Variants in KIF26B observed in about 807,000 individuals in gnomAD.
KIF26B encodes kinesin-like protein KIF26B.
In KIF26B, 63 loss-of-function variants were observed where a neutral mutation model predicts 151.2. The observed-to-expected ratio is 0.42, with a 90% confidence interval of 0.34 to 0.51. The LOEUF is 0.51. KIF26B is among the 20% of genes least tolerant of loss of function. KIF26B has a pLI of 0.07. For missense variants in KIF26B, 2,813 were observed against 2,913.6 expected (o/e 0.97, Z 0.79); for synonymous variants, 1,357 against 1,262.1 (o/e 1.08, Z -1.59).
intron 2 of KIF26B, among the ~76,000 whole-genome samples, chr1:245,272,944 G>A (rs909117170): frequency 2.6e-5 from 4 of 152,132 alleles, no homozygotes; most frequent in Non-Finnish European, 5.9e-5. Context: ...AACATGTGAC[G>A]TATCCTGGAG....
chr1:245,366,111 A>C lies in KIF26B; in HGVS notation c.466-723A>C, dbSNP rs1004413030. Reference sequence around the variant, plus strand: ...AACTTTCTGTGGTAACAGGGGGCCAAGGGACCTCAGTGCAGTGGTCCAGAA... The same window carrying C: ...AACTTTCTGTGGTAACAGGGGGCCACGGGACCTCAGTGCAGTGGTCCAGAA... On this transcript the variant is annotated intron_variant, in intron 2 of 14. Coordinates refer to ENST00000407071, the MANE Select transcript of KIF26B (RefSeq NM_018012.4). Among the ~76,000 whole-genome samples the C allele has an allele frequency of 3.3e-5, 5 of 152,324 alleles. No homozygotes were observed. In the East Asian group the frequency reaches 7.7e-4, roughly 24 times the overall value.
intron 10 of KIF26B, 26 bp downstream of exon 10, chr1:245,646,306 T>G: frequency 6.2e-7 from 1 of 1,610,760 alleles, no homozygotes; most frequent in Non-Finnish European, 8.5e-7. Context: ...ACTCAAAGAA[T>G]GTGGTGGGGT....
intron 6 of KIF26B, among the ~76,000 whole-genome samples, chr1:245,604,699 C>A (rs1466356319): frequency 1.3e-5 from 2 of 152,178 alleles, no homozygotes; most frequent in African/African-American, 4.8e-5. Context: ...AATTGCTAGT[C>A]TTTGTTTACA....
At chr1:245,483,669 G>T (rs1358055035) in intron 4 of KIF26B, among the ~76,000 whole-genome samples, 3 of 151,900 alleles carry the variant, frequency 2.0e-5, no homozygotes, top group Non-Finnish European at 4.4e-5. Flanking sequence ...TGCATGAAGG[G>T]CGTGGGTAGT....
intron 5 of KIF26B, among the ~76,000 whole-genome samples, chr1:245,594,301 G>A (rs2043319223): frequency 6.6e-6 from 1 of 152,128 alleles, no homozygotes; most frequent in Non-Finnish European, 1.5e-5. Flanking sequence ...TATGGTTTTA[G>A]GTCTTACATT....
chr1:245,427,597 A>G (rs1407175059), intron 4 of KIF26B, among the ~76,000 whole-genome samples: 1 of 152,192 alleles, frequency 6.6e-6, no homozygotes. Context: ...AGCAAGGGTG[A>G]GACTCTGTCT....
At chr1:245,414,272 G>A (rs1003953534) in intron 3 of KIF26B, among the ~76,000 whole-genome samples, 1 of 152,202 alleles carries the variant, frequency 6.6e-6, no homozygotes, top group East Asian at 1.9e-4. Flanking sequence ...GCACTGACTT[G>A]TAGGAAAGGC....
At chr1:245,627,952 A>T (rs2043741890) in intron 9 of KIF26B, among the ~76,000 whole-genome samples, 1 of 152,228 alleles carries the variant, frequency 6.6e-6, no homozygotes, top group South Asian at 2.1e-4. Context: ...ATCCCTGAAT[A>T]GACCAATAAC....
At position 245,488,497 on chromosome 1, in the gene KIF26B, G is replaced by T. The variant is rs1010202708; in HGVS notation, c.1167-52270G>T. 6.6e-6 allele frequency among the ~76,000 whole-genome samples: 1 copy of T among 152,042 alleles called. No homozygotes were observed. Among genetic ancestry groups the T allele is most frequent in the Non-Finnish European group, 1.5e-5 (1 of 68,018 alleles). ...TGAGCCATGACACCTGTCACTTCCC[G>T]TCTGAGCAGTTCCTGAAGAAACAGC... On this transcript the variant is annotated intron_variant, in intron 4 of 14. Coordinates refer to ENST00000407071, the MANE Select transcript of KIF26B (RefSeq NM_018012.4). This position sits in a 1 kb window ranked among gnomAD's most constrained non-coding sequence, Gnocchi z 4.6.
chr1:245,261,610 G>A (rs1056435154), intron 2 of KIF26B, among the ~76,000 whole-genome samples: 1 of 149,340 alleles, frequency 6.7e-6, no homozygotes, highest in African/African-American at 2.5e-5. Context: ...CTCAAGACAG[G>A]GTCTAGCTGT....
chr1:245,670,668 A>G (rs1016871168), intron 10 of KIF26B, among the ~76,000 whole-genome samples: 3 of 152,170 alleles, frequency 2.0e-5, no homozygotes, highest in Admixed American at 2.0e-4. Flanking sequence ...GTGGTATGTA[A>G]ATATAATGGA....
intron 5 of KIF26B, among the ~76,000 whole-genome samples, chr1:245,595,817 G>A (rs1455002492): frequency 8.6e-5 from 13 of 151,974 alleles, no homozygotes; most frequent in African/African-American, 2.7e-4. Flanking sequence ...GGTAGGCTGC[G>A]AAATTACTGC....
At chr1:245,661,776 GATAT>G (rs1344429539) in intron 10 of KIF26B, among the ~76,000 whole-genome samples, 1 of 92,376 alleles carries the variant, frequency 1.1e-5, no homozygotes, top group South Asian at 4.1e-4. Context: ...TACACCCAAT[GATAT>G]ATATACACAT....
At chr1:245,575,821 G>C (rs953725260) in intron 5 of KIF26B, among the ~76,000 whole-genome samples, 3 of 152,216 alleles carry the variant, frequency 2.0e-5, no homozygotes, top group Non-Finnish European at 4.4e-5. Flanking sequence ...GTGTGTGTGT[G>C]TGACATTCTT....
intron 2 of KIF26B, among the ~76,000 whole-genome samples, chr1:245,330,753 T>G (rs1458958898): frequency 1.0e-3 from 26 of 25,442 alleles, no homozygotes; most frequent in African/African-American, 1.8e-3. Flanking sequence ...GGGGAGGGAG[T>G]GGGGGAGGGA....
At chr1:245,637,875 A>G (rs1175316409) in intron 9 of KIF26B, among the ~76,000 whole-genome samples, 1 of 151,910 alleles carries the variant, frequency 6.6e-6, no homozygotes. Context: ...GTCTGTTTTT[A>G]TGCCAGTGGT....
intron 2 of KIF26B, among the ~76,000 whole-genome samples, chr1:245,303,850 A>C (rs984903260): frequency 2.6e-5 from 4 of 152,236 alleles, no homozygotes; most frequent in Admixed American, 1.3e-4. Context: ...CTTGTGCCAC[A>C]AAGTGACATC....
intron 10 of KIF26B, among the ~76,000 whole-genome samples, chr1:245,681,228 G>GAGAC (rs34531062): frequency 0.43 from 56,553 of 131,980 alleles, 11,811 homozygotes; most frequent in Middle Eastern, 0.54. Flanking sequence ...TTTTTTTTTT[G>GAGAC]AGACAGAGTC....
At chr1:245,453,786 C>A (rs1228122816) in intron 4 of KIF26B, among the ~76,000 whole-genome samples, 1 of 152,122 alleles carries the variant, frequency 6.6e-6, no homozygotes, top group African/African-American at 2.4e-5. Flanking sequence ...AATCAGGGCC[C>A]AAGGACTCTG....
Sources: allele counts gnomAD v4.1 joint callset (sites outside exome capture counted in the v4.1 genomes callset), GRCh38; gene constraint gnomAD v4.1.1; non-coding constraint Gnocchi (gnomAD v3.1); transcripts MANE v1.5; gene names NCBI Gene and HGNC (gene_info 2026-07-23, HGNC 2026-07-21).